SPATA17: variants seen among roughly 807,000 people sequenced by gnomAD.
SPATA17 encodes the protein spermatogenesis associated 17, also known as spermatogenesis-associated protein 17.
Under a neutral mutation model 62.2 loss-of-function variants are expected in SPATA17, and 53 were observed. That is an observed-to-expected ratio of 0.85 (90% CI 0.68 to 1.07). SPATA17 has a LOEUF of 1.07. Among genes scored for constraint, SPATA17 ranks in the 50% least tolerant of loss-of-function variants. The pLI, the probability that SPATA17 is intolerant of heterozygous loss-of-function variation, is 0.00. For synonymous variants in SPATA17, 146 were observed against 146.8 expected, an observed-to-expected ratio of 0.99 and a Z score of 0.04; for missense variants, 466 against 425.5, an observed-to-expected ratio of 1.10 and a Z score of -0.84.
intron 4 of SPATA17, among the ~76,000 whole-genome samples, 162 bp from the exon 5 acceptor site, chr1:217,683,096 C>A (rs1012913460): frequency 6.6e-6 from 1 of 151,574 alleles, no homozygotes; most frequent in Non-Finnish European, 1.5e-5. Context: ...AATTTATGAG[C>A]AGAACCTATA....
intron 10 of SPATA17, 129 bp downstream of exon 10, chr1:217,862,985 C>T: frequency 2.1e-6 from 1 of 487,408 alleles, no homozygotes; most frequent in Admixed American, 3.4e-5. Context: ...AATAAGACTC[C>T]ATAAATTTCC....
chr1:217,758,089 C>T (rs1456209276), intron 6 of SPATA17, among the ~76,000 whole-genome samples: 1 of 152,132 alleles, frequency 6.6e-6, no homozygotes, highest in African/African-American at 2.4e-5. Flanking sequence ...ATATTGTAGG[C>T]ATGCAGAATG....
At chr1:217,846,915 T>A (rs1675543691) in intron 9 of SPATA17, among the ~76,000 whole-genome samples, 1 of 152,062 alleles carries the variant, frequency 6.6e-6, no homozygotes, top group Non-Finnish European at 1.5e-5. Context: ...AAAAGTGATA[T>A]CAACTAATTA....
intron 5 of SPATA17, among the ~76,000 whole-genome samples, chr1:217,721,501 G>A (rs1302600716): frequency 6.6e-6 from 1 of 152,100 alleles, no homozygotes; most frequent in Non-Finnish European, 1.5e-5. Flanking sequence ...AGCTCACTAG[G>A]CCCTGTGTCA....
chr1:217,859,133 TAATTAA>T (rs939948010), intron 9 of SPATA17, among the ~76,000 whole-genome samples: 6 of 117,482 alleles, frequency 5.1e-5, no homozygotes, highest in African/African-American at 1.8e-4. Context: ...AATTTATATA[TAATTAA>T]AACATAATTT....
At position 217,774,337 on chromosome 1, in the gene SPATA17, C is replaced by T. The variant is rs1673534420; in HGVS notation, c.523C>T (p.Pro175Ser). 6.2e-7 allele frequency: 1 copy of T among 1,610,544 alleles called. No homozygotes were observed. Residue 175 changes from proline (P) to serine (S), a missense_variant, in exon 7 of 11, where the codon CCA becomes TCA. By Grantham distance (74) the Pro-to-Ser change is moderately conservative. Transcript: ENST00000366933. ...MHYLLSTKQIPGIYNSPFRKE... is the reference protein window; with the variant it reads ...MHYLLSTKQISGIYNSPFRKE... ...AAATTGCTTTCTTCTTCTTTAGATT[C>T]CAGGAATATACAATTCACCCTTCAG...
At chr1:217,696,060 G>T (rs1671448647) in intron 5 of SPATA17, among the ~76,000 whole-genome samples, 1 of 152,144 alleles carries the variant, frequency 6.6e-6, no homozygotes, top group Non-Finnish European at 1.5e-5. Context: ...ACCTAAGCAA[G>T]CCTGGGCAAT....
rs1030973297 is a variant in SPATA17, at chr1:217,869,563, A to G, written c.*2544A>G. ...AAAATATGTCAAAAATATATATTTTAGGGTAAAATGCCTCAATTTATTTCA... is the reference window on the plus strand; with the variant it reads ...AAAATATGTCAAAAATATATATTTTGGGGTAAAATGCCTCAATTTATTTCA... On this transcript the variant is annotated 3_prime_UTR_variant, in exon 11 of 11. Coordinates refer to ENST00000366933, the MANE Select transcript of SPATA17 (RefSeq NM_138796.4). 6.6e-6 allele frequency: 1 copy of G among 152,174 alleles called. No individual in the cohort carries two copies. Among genetic ancestry groups the G allele is most frequent in the African/African-American group, 2.4e-5 (1 of 41,450 alleles). The allele number at this position is 152,174 out of a possible 1,614,324, so 9.4% of individuals were successfully genotyped here.
At chr1:217,633,686 A>T (rs930230881) in intron 1 of SPATA17, among the ~76,000 whole-genome samples, 2 of 152,238 alleles carry the variant, frequency 1.3e-5, no homozygotes, top group Non-Finnish European at 2.9e-5. Flanking sequence ...GTACTGTCCC[A>T]AATCCGTTAA....
chr1:217,844,717 A>G (rs910383970), intron 9 of SPATA17, among the ~76,000 whole-genome samples: 6 of 152,256 alleles, frequency 3.9e-5, no homozygotes, highest in Admixed American at 3.9e-4. Flanking sequence ...GCTAATCCCC[A>G]TTAATACAAA....
At chr1:217,750,714 G>A (rs2102955363) in intron 6 of SPATA17, among the ~76,000 whole-genome samples, 1 of 152,266 alleles carries the variant, frequency 6.6e-6, no homozygotes, top group South Asian at 2.1e-4. Flanking sequence ...TTGTATGAAT[G>A]TTTTCATGCA....
intron 3 of SPATA17, among the ~76,000 whole-genome samples, chr1:217,664,974 T>C (rs1670661776): frequency 1.3e-5 from 2 of 151,796 alleles, no homozygotes; most frequent in Admixed American, 1.3e-4. Flanking sequence ...GTCATATGAA[T>C]ATGAAAGGGA....
At position 217,845,684 on chromosome 1, in the gene SPATA17, G is replaced by A. The variant is rs540206067; in HGVS notation, c.1006-17090G>A. Among the ~76,000 whole-genome samples the A allele has an allele frequency of 5.3e-5, 8 of 152,086 alleles. No homozygotes were observed. The East Asian group carries it at 5.8e-4, about 11-fold the overall frequency. ...GCCCTATAAGAAATTCAATTTTAAC[G>A]CTCGTGGTGGGGTCAAAAGAAAGTA... On this transcript the variant is annotated intron_variant, in intron 9 of 10. Transcript: ENST00000366933.
chr1:217,631,752 A>G (rs972026275), intron 1 of SPATA17, among the ~76,000 whole-genome samples: 2 of 152,210 alleles, frequency 1.3e-5, no homozygotes, highest in African/African-American at 4.8e-5. Context: ...CCTATGTTCA[A>G]TACCCTGACT....
At chr1:217,652,742 A>C (rs1228331359) in intron 3 of SPATA17, among the ~76,000 whole-genome samples, 1 of 152,184 alleles carries the variant, frequency 6.6e-6, no homozygotes, top group Admixed American at 6.5e-5. Context: ...AATATGCAAT[A>C]TCTCTGAGTC....
intron 9 of SPATA17, among the ~76,000 whole-genome samples, chr1:217,816,562 A>C (rs2102994605): frequency 6.6e-6 from 1 of 151,992 alleles, no homozygotes; most frequent in East Asian, 1.9e-4. Flanking sequence ...AAAATAGATA[A>C]AAATGGTCAT....
chr1:217,721,474 G>C (rs779324756), intron 5 of SPATA17, among the ~76,000 whole-genome samples: 42 of 152,082 alleles, frequency 2.8e-4, no homozygotes, highest in Non-Finnish European at 5.7e-4. Context: ...CTTAATTTGG[G>C]TCTGGTGGCT....
intron 1 of SPATA17, among the ~76,000 whole-genome samples, chr1:217,638,083 T>C (rs748086313): frequency 5.3e-5 from 8 of 152,134 alleles, no homozygotes; most frequent in Non-Finnish European, 1.0e-4. Flanking sequence ...AAAATACATA[T>C]GATCGACTCA....
intron 1 of SPATA17, among the ~76,000 whole-genome samples, chr1:217,638,310 G>T (rs1275135900): frequency 7.5e-6 from 1 of 132,836 alleles, no homozygotes; most frequent in Non-Finnish European, 1.8e-5. Context: ...GTTTATGAAA[G>T]AAATAAGTGT....
Sources: gnomAD v4.1 joint callset for allele counts (sites outside exome capture counted in the v4.1 genomes callset) on GRCh38, gnomAD v4.1.1 for gene constraint, MANE v1.5 for transcripts, NCBI Gene and HGNC (gene_info 2026-07-23, HGNC 2026-07-21) for gene names.